The following OSBPL9 variants were observed in gnomAD, a reference collection of about 807,000 sequenced individuals.
The protein encoded by OSBPL9 is oxysterol-binding protein-related protein 9.
OSBPL9 carries 40 observed loss-of-function variants against 106.6 expected under a neutral mutation model. The ratio of observed to expected loss-of-function variants is 0.38; its 90% CI spans 0.29 to 0.49. OSBPL9 has a LOEUF of 0.49. OSBPL9 is among the 20% of genes least tolerant of loss of function. The pLI is 0.97. For missense variants in OSBPL9, 609 were observed against 887.2 expected (o/e 0.69, Z 3.98); for synonymous variants, 269 against 295.4 (o/e 0.91, Z 0.92).
intron 4 of OSBPL9, among the ~76,000 whole-genome samples, chr1:51,726,261 C>T (rs1040080142): frequency 3.3e-5 from 5 of 152,186 alleles, no homozygotes; most frequent in Admixed American, 1.3e-4. Flanking sequence ...TTCCCTGTGA[C>T]CTCACTTCTC....
chr1:51,639,846 A>C (rs897261302), intron 1 of OSBPL9, among the ~76,000 whole-genome samples: 1 of 93,716 alleles, frequency 1.1e-5, no homozygotes, highest in East Asian at 3.7e-4. Flanking sequence ...TTTTTTTGAG[A>C]TAGGGTCTCG....
intron 1 of OSBPL9, among the ~76,000 whole-genome samples, chr1:51,637,865 C>T (rs1645549088): frequency 6.6e-6 from 1 of 152,180 alleles, no homozygotes; most frequent in Admixed American, 6.5e-5. Flanking sequence ...ATATTGACAT[C>T]AAGATGCAGT....
chr1:51,669,517 G>A lies in OSBPL9; in HGVS notation c.241+5G>A. ...AGAAAACCTTCCATTTCCAGGGTGA[G>A]CTGAAAGAAGAGATTCTTTCTCTTC... On this transcript the variant is annotated splice_donor_5th_base_variant and intron_variant, in intron 3 of 23. Coordinates refer to ENST00000428468, the MANE Select transcript of OSBPL9 (RefSeq NM_024586.6). 2 of 1,613,402 alleles carry A rather than the reference G, an allele frequency of 1.2e-6. No individual in the cohort carries two copies. Among genetic ancestry groups the A allele is most frequent in the Non-Finnish European group, 1.7e-6 (2 of 1,179,464 alleles).
intron 4 of OSBPL9, among the ~76,000 whole-genome samples, chr1:51,740,535 G>T (rs1422177035): frequency 6.6e-6 from 1 of 151,492 alleles, no homozygotes; most frequent in Non-Finnish European, 1.5e-5. Context: ...TGTTTTTCTT[G>T]TTATTCTGAT....
intron 3 of OSBPL9, among the ~76,000 whole-genome samples, chr1:51,672,498 C>T (rs1650125014): frequency 6.6e-6 from 1 of 152,128 alleles, no homozygotes; most frequent in African/African-American, 2.4e-5. Context: ...TCCCCAGCCC[C>T]AGCCCCCGGC....
chr1:51,594,886 G>C (rs775951996), intron 1 of OSBPL9: 7 of 152,270 alleles, frequency 4.6e-5, no homozygotes, highest in Non-Finnish European at 8.8e-5. Context: ...TGAACTCCTC[G>C]CGCAGGTAGA....
the OSBPL9 span, chr1:51,519,374 G>GCCCGC: frequency 4.9e-4 from 146 of 298,822 alleles, no homozygotes; most frequent in South Asian, 1.0e-3. Flanking sequence ...CCCTCCCCAC[G>GCCCGC]CCCGCCCCGC....
At chr1:51,773,678 C>G (rs1674422339) in intron 14 of OSBPL9, among the ~76,000 whole-genome samples, 1 of 152,092 alleles carries the variant, frequency 6.6e-6, no homozygotes, top group Admixed American at 6.5e-5. Context: ...AAATCAATTC[C>G]AGTGTTATAG....
intron 2 of OSBPL9, among the ~76,000 whole-genome samples, chr1:51,661,305 A>G (rs1647134474): frequency 6.6e-6 from 1 of 152,222 alleles, no homozygotes; most frequent in Non-Finnish European, 1.5e-5. Flanking sequence ...GATTGGCCCC[A>G]AAATAGCCAG....
At chr1:51,769,955 G>A (rs1258554336) in intron 12 of OSBPL9, among the ~76,000 whole-genome samples, 1 of 152,104 alleles carries the variant, frequency 6.6e-6, no homozygotes, top group African/African-American at 2.4e-5. Flanking sequence ...GAGGCACAAA[G>A]CATTTTAAAG....
At chr1:51,657,113 C>A (rs896671357) in intron 2 of OSBPL9, among the ~76,000 whole-genome samples, 1 of 152,130 alleles carries the variant, frequency 6.6e-6, no homozygotes, top group Non-Finnish European at 1.5e-5. Context: ...AATAAATACT[C>A]AAAAATGCTT....
intron 2 of OSBPL9, among the ~76,000 whole-genome samples, chr1:51,606,771 G>A (rs1374972945): frequency 1.3e-5 from 2 of 152,106 alleles, no homozygotes; most frequent in Non-Finnish European, 2.9e-5. Context: ...AAAACATGCC[G>A]GGCGCGGTGG....
At chr1:51,622,484 G>C (rs372526659) in intron 1 of OSBPL9, among the ~76,000 whole-genome samples, 57 of 152,152 alleles carry the variant, frequency 3.7e-4, no homozygotes, top group Non-Finnish European at 6.2e-4. Flanking sequence ...CATAGTTTTC[G>C]TGGGTCAGAA....
At chr1:51,707,349 TGG>T (rs1318177216) in intron 3 of OSBPL9, 1 of 179,912 alleles carries the variant, frequency 5.6e-6, no homozygotes, top group Non-Finnish European at 1.2e-5. Context: ...GGGGGCCCTC[TGG>T]TGCCTGCTTC....
chr1:51,698,390 G>A (rs1656525198), intron 3 of OSBPL9, among the ~76,000 whole-genome samples: 1 of 152,094 alleles, frequency 6.6e-6, no homozygotes, highest in African/African-American at 2.4e-5. Context: ...ACAACAGACA[G>A]AAAAATATCA....
At chr1:51,599,768 T>G (rs1176899421) in intron 2 of OSBPL9, among the ~76,000 whole-genome samples, 1 of 152,222 alleles carries the variant, frequency 6.6e-6, no homozygotes, top group Non-Finnish European at 1.5e-5. Flanking sequence ...TTCACTTGTC[T>G]TAGTCCATTT....
upstream of OSBPL9, among the ~76,000 whole-genome samples, chr1:51,573,353 A>G (rs558856323): frequency 6.7e-6 from 1 of 150,012 alleles, no homozygotes; most frequent in African/African-American, 2.5e-5. Context: ...TACTAAAAAT[A>G]CAAAATTAGC....
At chr1:51,714,228 G>C (rs1660630215) in intron 4 of OSBPL9, 149 bp downstream of exon 4, 5 of 561,270 alleles carry the variant, frequency 8.9e-6, no homozygotes. Flanking sequence ...TACAGTTATA[G>C]TAAAGTTATA....
At chr1:51,581,163 A>G (rs949046955) in intron 1 of OSBPL9, among the ~76,000 whole-genome samples, 5 of 150,778 alleles carry the variant, frequency 3.3e-5, no homozygotes, top group Non-Finnish European at 7.4e-5. Flanking sequence ...GGGCTTGAGC[A>G]ATCTGCCTGC....
Sources: gnomAD v4.1 joint callset for allele counts (sites outside exome capture counted in the v4.1 genomes callset) on GRCh38, gnomAD v4.1.1 for gene constraint, MANE v1.5 for transcripts, NCBI Gene and HGNC (gene_info 2026-07-23, HGNC 2026-07-21) for gene names.